Variants in MITF observed in about 807,000 individuals in gnomAD.
The protein encoded by MITF is melanocyte inducing transcription factor, also known as microphthalmia-associated transcription factor.
A neutral mutation model predicts 60.5 loss-of-function variants in MITF; 17 were observed. The observed-to-expected ratio is 0.28, with a 90% confidence interval of 0.19 to 0.42. MITF has a LOEUF of 0.42. Among genes scored for constraint, MITF ranks in the 10% least tolerant of loss-of-function variants. The pLI, the probability that MITF is intolerant of heterozygous loss-of-function variation, is 1.00. For synonymous variants in MITF, 260 were observed against 248.5 expected (o/e 1.05, Z -0.43); for missense variants, 622 against 683.5 (o/e 0.91, Z 1.00).
intron 1 of MITF, among the ~76,000 whole-genome samples, chr3:69,847,477 A>T (rs1215542328): frequency 6.6e-6 from 1 of 152,166 alleles, no homozygotes; most frequent in Admixed American, 6.5e-5. Context: ...CTTTACTTAC[A>T]TATGGGGAAA....
At chr3:69,839,043 A>G (rs2063584129) in intron 1 of MITF, among the ~76,000 whole-genome samples, 1 of 152,170 alleles carries the variant, frequency 6.6e-6, no homozygotes, top group Non-Finnish European at 1.5e-5. Flanking sequence ...AGTGGCCATT[A>G]CTGCTGCTTT....
intron 2 of MITF, among the ~76,000 whole-genome samples, chr3:69,924,943 G>C (rs1388341079): frequency 6.6e-6 from 1 of 151,910 alleles, no homozygotes; most frequent in African/African-American, 2.4e-5. Flanking sequence ...AAGAGAAAAA[G>C]ATAAAAGGAT....
At chr3:69,748,371 C>T (rs758222388) in intron 1 of MITF, among the ~76,000 whole-genome samples, 3 of 152,164 alleles carry the variant, frequency 2.0e-5, no homozygotes, top group Non-Finnish European at 2.9e-5. Context: ...TCCCAAGTAG[C>T]TGGAATTACA....
intron 1 of MITF, among the ~76,000 whole-genome samples, chr3:69,814,494 A>G (rs1299530496): frequency 1.3e-5 from 2 of 151,962 alleles, no homozygotes; most frequent in Non-Finnish European, 2.9e-5. Flanking sequence ...ATGCCTGGCT[A>G]ATTTTTTAAT....
chr3:69,894,351 G>A lies in MITF; in HGVS notation c.354+14968G>A, dbSNP rs181162847. ...TGATTCATTTGCTTTGGAATTACTC[G>A]ACTTCTTCCTTACATGATATGTCCA... On this transcript the variant is annotated intron_variant, in intron 2 of 9. Transcript: ENST00000352241. Among the ~76,000 whole-genome samples the A allele has an allele frequency of 5.3e-5, 8 of 152,158 alleles. No homozygotes were observed. In the East Asian group the frequency reaches 9.7e-4, roughly 18 times the overall value.
At chr3:69,880,414 T>C (rs1191051671) in intron 2 of MITF, among the ~76,000 whole-genome samples, 3 of 152,148 alleles carry the variant, frequency 2.0e-5, no homozygotes, top group Non-Finnish European at 4.4e-5. Context: ...AATTATTTTT[T>C]ATTTGCGAAG....
chr3:69,904,465 A>G lies in MITF; in HGVS notation c.354+25082A>G, dbSNP rs117264465. 3.7e-4 allele frequency among the ~76,000 whole-genome samples: 56 copies of G among 152,206 alleles called. 1 individual carries two copies. In the East Asian group the frequency reaches 0.011, roughly 29 times the overall value. On this transcript the variant is annotated intron_variant, in intron 2 of 9. Transcript: ENST00000352241. ...TCTACTGGTCTGTCCTTCTGTCTCTATCCATTCTTGGCCAAATCCTGCCCA... is the reference window on the plus strand; with the variant it reads ...TCTACTGGTCTGTCCTTCTGTCTCTGTCCATTCTTGGCCAAATCCTGCCCA...
At chr3:69,889,554 T>A (rs2064710817) in intron 2 of MITF, among the ~76,000 whole-genome samples, 1 of 151,810 alleles carries the variant, frequency 6.6e-6, no homozygotes, top group African/African-American at 2.4e-5. Flanking sequence ...ATCTAAAATA[T>A]CACTTCAACA....
chr3:69,965,451 C>G lies in MITF; in HGVS notation c.*203C>G. ...TTCTATTTTACAACTACAAATGCCT[C>G]CAAAGTATTGTACAAATAAGTGTGC... On this transcript the variant is annotated 3_prime_UTR_variant, in exon 10 of 10. Transcript: ENST00000352241. The G allele has an allele frequency of 3.6e-6, 2 of 556,628 alleles. No homozygotes were observed. Among genetic ancestry groups the G allele is most frequent in the Non-Finnish European group, 6.3e-6 (2 of 315,258 alleles). The allele number at this position is 556,628 out of a possible 1,614,324, so 34.5% of individuals were successfully genotyped here.
chr3:69,866,039 G>A (rs532114189), intron 1 of MITF, among the ~76,000 whole-genome samples: 11 of 152,170 alleles, frequency 7.2e-5, no homozygotes, highest in African/African-American at 2.4e-4. Context: ...CTCCCTGGCC[G>A]TGCCTGGGTC....
At chr3:69,828,224 A>G (rs1326434896) in intron 1 of MITF, among the ~76,000 whole-genome samples, 1 of 152,126 alleles carries the variant, frequency 6.6e-6, no homozygotes, top group South Asian at 2.1e-4. Flanking sequence ...TTGACCGACC[A>G]GAGATTTCAG....
rs375248924 is a variant in MITF, at chr3:69,935,574, A to G, written c.355-2248A>G. Among the ~76,000 whole-genome samples the G allele has an allele frequency of 3.9e-5, 6 of 152,332 alleles. No homozygotes were observed. The East Asian group carries it at 9.6e-4, about 24-fold the overall frequency. On this transcript the variant is annotated intron_variant, in intron 2 of 9. Coordinates refer to ENST00000352241, the MANE Select transcript of MITF (RefSeq NM_001354604.2). Reference sequence around the variant, plus strand: ...GTACATATTAAATCAGTCATTTGAAACAATATGAGATTGTCAACCTAACGG... The same window carrying G: ...GTACATATTAAATCAGTCATTTGAAGCAATATGAGATTGTCAACCTAACGG...
intron 9 of MITF, among the ~76,000 whole-genome samples, chr3:69,964,327 G>A (rs2066630423): frequency 1.3e-5 from 1 of 75,708 alleles, no homozygotes; most frequent in African/African-American, 5.7e-5. Context: ...ATATCTGTGA[G>A]AGACCATCTC....
chr3:69,963,350 C>T (rs2066597997), intron 9 of MITF, among the ~76,000 whole-genome samples: 1 of 152,154 alleles, frequency 6.6e-6, no homozygotes, highest in South Asian at 2.1e-4. Context: ...ATAGAACTTT[C>T]ACAGCTTTTG....
chr3:69,948,590 T>C (rs1009359713), intron 5 of MITF, among the ~76,000 whole-genome samples: 2 of 150,704 alleles, frequency 1.3e-5, no homozygotes, highest in Admixed American at 1.3e-4. Flanking sequence ...AAAGAAAAAG[T>C]GAGAAGAAGA....
chr3:69,846,168 T>C (rs576439585), intron 1 of MITF, among the ~76,000 whole-genome samples: 2 of 139,538 alleles, frequency 1.4e-5, no homozygotes, highest in East Asian at 4.0e-4. Flanking sequence ...TCTAAATTAA[T>C]TGAGAGATCT....
At chr3:69,790,644 T>C (rs2106912232) in intron 1 of MITF, among the ~76,000 whole-genome samples, 1 of 152,296 alleles carries the variant, frequency 6.6e-6, no homozygotes, top group African/African-American at 2.4e-5. Flanking sequence ...TTTTGACAAA[T>C]GTGAAATAGT....
At chr3:69,925,567 C>G (rs73838675) in intron 2 of MITF, among the ~76,000 whole-genome samples, 1 of 152,176 alleles carries the variant, frequency 6.6e-6, no homozygotes, top group Non-Finnish European at 1.5e-5. Context: ...CATGTTGATT[C>G]TCTTTATTAA....
At chr3:69,937,606 A>G (rs1026146867) in intron 2 of MITF, among the ~76,000 whole-genome samples, 1 of 152,184 alleles carries the variant, frequency 6.6e-6, no homozygotes, top group African/African-American at 2.4e-5. Flanking sequence ...TAGCAGGGAA[A>G]TAAAATAGGG....
Sources: allele counts gnomAD v4.1 joint callset (sites outside exome capture counted in the v4.1 genomes callset), GRCh38; gene constraint gnomAD v4.1.1; transcripts MANE v1.5; gene names NCBI Gene and HGNC (gene_info 2026-07-23, HGNC 2026-07-21).